The following CHST6 variants were observed in gnomAD, a reference collection of about 807,000 sequenced individuals.
The protein encoded by CHST6 is carbohydrate sulfotransferase 6, also known as N-acetylglucosamine 6-O-sulfotransferase 5.
For synonymous variants in CHST6, 309 were observed against 276.4 expected (o/e 1.12, Z -1.17); for missense variants, 698 against 586.2 (o/e 1.19, Z -1.97).
intron 1 of CHST6, among the ~76,000 whole-genome samples, chr16:75,483,393 C>T (rs1340108340): frequency 6.6e-6 from 1 of 152,186 alleles, no homozygotes; most frequent in Non-Finnish European, 1.5e-5. Context: ...GTGACTCACA[C>T]ACTACAGGAA....
chr16:75,484,939 C>G (rs1364837843), intron 1 of CHST6, among the ~76,000 whole-genome samples: 1 of 152,138 alleles, frequency 6.6e-6, no homozygotes, highest in East Asian at 1.9e-4. Flanking sequence ...GGCCACACCC[C>G]CTGGGCAGAC....
chr16:75,472,881 G>C lies in CHST6; in HGVS notation c.*5760C>G, dbSNP rs2080032647. ...CTAGTGCTTTGATTGCCCCTTCTGA[G>C]CTCCCACAGCCAGAGCAGAGGCAGC... On this transcript the variant is annotated 3_prime_UTR_variant, in exon 3 of 3. Transcript: ENST00000332272. The C allele has an allele frequency of 6.6e-6, 1 of 152,156 alleles. No individual in the cohort carries two copies. Among genetic ancestry groups the C allele is most frequent in the South Asian group, 2.1e-4 (1 of 4,818 alleles). The allele number at this position is 152,156 out of a possible 1,614,324, so 9.4% of individuals were successfully genotyped here.
chr16:75,495,431 G>T lies in CHST6; in HGVS notation c.-583C>A, dbSNP rs968221565. On this transcript the variant is annotated 5_prime_UTR_variant, in exon 1 of 3. Coordinates refer to ENST00000332272, the MANE Select transcript of CHST6 (RefSeq NM_021615.5). The stretch of plus-strand genomic sequence containing the variant: ...ATGAGGCGCTTTCAGACGTGGCTGC[G>T]GTCCCGAGGTGGCCAGCGGGAGCTA... The T allele has an allele frequency of 2.0e-5, 3 of 152,270 alleles. No homozygotes were observed. The highest frequency in any genetic ancestry group is 7.2e-5 in the African/African-American group (3 of 41,470). The allele number at this position is 152,270 out of a possible 1,614,324, so 9.4% of individuals were successfully genotyped here.
rs1049466484 is a variant in CHST6, at chr16:75,486,541, A to T, written c.-91-4650T>A. Among the ~76,000 whole-genome samples, 4 of 152,174 alleles carry T rather than the reference A, an allele frequency of 2.6e-5. No homozygotes were observed. In the East Asian group the frequency reaches 7.7e-4, roughly 29 times the overall value. On this transcript the variant is annotated intron_variant, in intron 1 of 2. Coordinates refer to ENST00000332272, the MANE Select transcript of CHST6 (RefSeq NM_021615.5). ...CTGCCCCCCCAGCCCACACAGAACT[A>T]TTGGCCTAGGAATGGGACATCTGCT...
intron 1 of CHST6, among the ~76,000 whole-genome samples, chr16:75,488,514 C>T (rs1801303058): frequency 1.3e-5 from 2 of 149,536 alleles, no homozygotes; most frequent in African/African-American, 4.9e-5. Flanking sequence ...CTGGAAAAAA[C>T]ATACCCAATG....
chr16:75,488,802 G>A (rs141285697), intron 1 of CHST6, among the ~76,000 whole-genome samples: 1,663 of 151,790 alleles, frequency 0.011, 15 homozygotes, highest in Non-Finnish European at 0.02. Context: ...CAGGAGAATC[G>A]CTTGAACCCG....
chr16:75,486,369 T>G (rs557572200), intron 1 of CHST6, among the ~76,000 whole-genome samples: 13 of 152,334 alleles, frequency 8.5e-5, no homozygotes, highest in African/African-American at 2.6e-4. Context: ...TTTTTCCTTC[T>G]GATAACAGTC....
In CHST6 at chr16:75,479,424, G is replaced by A. The variant is rs1365165239; in HGVS notation, c.405C>T (p.Cys135=). The A allele has an allele frequency of 1.2e-6, 2 of 1,612,800 alleles. No homozygotes were observed. The highest frequency in any genetic ancestry group is 1.3e-5 in the African/African-American group (1 of 74,932). ...VSRALCSPPA[C]SAFPRGAISS... The stretch of plus-strand genomic sequence containing the variant: ...TGATGGCGCCTCGGGGAAAGGCACT[G>A]CAGGCGGGTGGCGAGCACAGTGCAC... Residue 135 remains cysteine (C), a synonymous_variant, in exon 3 of 3, where the codon TGC becomes TGT. Transcript: ENST00000332272.
chr16:75,489,165 G>C (rs187459351), intron 1 of CHST6, among the ~76,000 whole-genome samples: 3 of 151,940 alleles, frequency 2.0e-5, no homozygotes, highest in Non-Finnish European at 4.4e-5. Context: ...TTGGGAGGCC[G>C]AGGCGGGCGG....
chr16:75,494,153 T>C (rs183380266), intron 1 of CHST6, among the ~76,000 whole-genome samples: 126 of 152,314 alleles, frequency 8.3e-4, no homozygotes, highest in African/African-American at 3.0e-3. Flanking sequence ...CCTTAGAAGC[T>C]TGGCTTCTGA....
intron 2 of CHST6, among the ~76,000 whole-genome samples, chr16:75,480,459 T>C (rs114567491): frequency 0.011 from 1,601 of 152,258 alleles, 28 homozygotes; most frequent in African/African-American, 0.037. Flanking sequence ...TTTAAGTGGA[T>C]TATTGGAAAA....
chr16:75,478,749 A>T lies in CHST6; in HGVS notation c.1080T>A (p.Pro360=). 1 of 1,613,544 alleles carries T rather than the reference A, an allele frequency of 6.2e-7. No homozygotes were observed. Residue 360 remains proline (P), a synonymous_variant, in exon 3 of 3, where the codon CCT becomes CCA. Transcript: ENST00000332272. Reference sequence around the variant, plus strand: ...TGCGCTGCTCGTCCTCAGAGTACACAGGCCGGTAGCCCAGCAGCTGCAGCG... The same window carrying T: ...TGCGCTGCTCGTCCTCAGAGTACACTGGCCGGTAGCCCAGCAGCTGCAGCG... The part of the protein sequence containing the change: ...AGALQLLGYR[P]VYSEDEQRNL...
At position 75,484,870 on chromosome 16, in the gene CHST6, C is replaced by T. The variant is rs77012281; in HGVS notation, c.-91-2979G>A. On this transcript the variant is annotated intron_variant, in intron 1 of 2. Coordinates refer to ENST00000332272, the MANE Select transcript of CHST6 (RefSeq NM_021615.5). ...AAAACAAAACAAACAAACAAAAAAACTCAAGGTAAAGATGAGGGCATTGCC... is the reference window on the plus strand; with the variant it reads ...AAAACAAAACAAACAAACAAAAAAATTCAAGGTAAAGATGAGGGCATTGCC... 3.5e-3 allele frequency among the ~76,000 whole-genome samples: 539 copies of T among 152,136 alleles called. 3 individuals are homozygous for T. The highest frequency in any genetic ancestry group is 0.011 in the African/African-American group (473 of 41,512).
rs1168639724 is a variant in CHST6, at chr16:75,479,217, C to T, written c.612G>A (p.Pro204=). Residue 204 remains proline, a synonymous_variant, in exon 3 of 3, where the codon CCG becomes CCA. Coordinates refer to ENST00000332272, the MANE Select transcript of CHST6 (RefSeq NM_021615.5). ...NLRIVHLVRD[P]RAVLRSREQT... ...GCTCCCGGGAGCGCAGCACGGCCCGCGGGTCGCGCACCAGGTGCACGATGC... is the reference window on the plus strand; with the variant it reads ...GCTCCCGGGAGCGCAGCACGGCCCGTGGGTCGCGCACCAGGTGCACGATGC... 2 of 1,610,040 alleles carry T rather than the reference C, an allele frequency of 1.2e-6. No homozygotes were observed. The highest frequency in any genetic ancestry group is 1.3e-5 in the African/African-American group (1 of 74,918).
At chr16:75,483,232 G>C (rs894762008) in intron 1 of CHST6, among the ~76,000 whole-genome samples, 1 of 152,188 alleles carries the variant, frequency 6.6e-6, no homozygotes, top group African/African-American at 2.4e-5. Flanking sequence ...TCTCCCACCT[G>C]TGATTGCTCC....
rs779803338 is a variant in CHST6 at position 75,478,926 on chromosome 16, G to A, written c.903C>T (p.Ala301=). The A allele has an allele frequency of 2.5e-6, 4 of 1,613,164 alleles. No homozygotes were observed. In the South Asian group the frequency reaches 3.3e-5, roughly 13 times the overall value. The part of the protein sequence containing the change: ...TGLSLTPQLE[A]WIHNITHGSG... ...ATCCGTGGGTGATGTTATGGATCCA[G>A]GCCTCGAGCTGTGGCGTGAGACTGA... The change falls in exon 3 of 3, where the codon GCC becomes GCT. Residue 301 remains alanine, a synonymous_variant. Transcript: ENST00000332272.
chr16:75,484,751 G>A (rs922198673), intron 1 of CHST6, among the ~76,000 whole-genome samples: 10 of 152,112 alleles, frequency 6.6e-5, no homozygotes, highest in Admixed American at 1.3e-4. Flanking sequence ...AGCTGAGGCA[G>A]GAGAATCATT....
At position 75,473,072 on chromosome 16, in the gene CHST6, T is replaced by C. The variant is rs1249949400; in HGVS notation, c.*5569A>G. ...TGCAGGTGCCAGGAGCCCTCCGTTC[T>C]CAAGTGTATCGGTTAGGCAATGCTA... On this transcript the variant is annotated 3_prime_UTR_variant, in exon 3 of 3. Transcript: ENST00000332272. The C allele has an allele frequency of 2.0e-5, 3 of 152,244 alleles. No homozygotes were observed. The highest frequency in any genetic ancestry group is 7.2e-5 in the African/African-American group (3 of 41,462). 9.4% of individuals were successfully genotyped at this position (152,244 alleles called of 1,614,324 possible).
In CHST6 at chr16:75,475,596, T is replaced by A. The variant is rs892947592; in HGVS notation, c.*3045A>T. ...GCACAAGTATGTACCTACCCAGCCC[T>A]GGCTTTACTGTGCCTAGTCAGCCAG... On this transcript the variant is annotated 3_prime_UTR_variant, in exon 3 of 3. Coordinates refer to ENST00000332272, the MANE Select transcript of CHST6 (RefSeq NM_021615.5). The A allele has an allele frequency of 6.6e-6, 1 of 152,234 alleles. No homozygotes were observed. Among genetic ancestry groups the A allele is most frequent in the African/African-American group, 2.4e-5 (1 of 41,448 alleles). The allele number at this position is 152,234 out of a possible 1,614,324, so 9.4% of individuals were successfully genotyped here. A position where few individuals can be genotyped will look rare whatever the true frequency, so the allele number is the denominator to read the frequency against.
Sources: gnomAD v4.1 joint callset for allele counts (sites outside exome capture counted in the v4.1 genomes callset) on GRCh38, gnomAD v4.1.1 for gene constraint, MANE v1.5 for transcripts, NCBI Gene and HGNC (gene_info 2026-07-23, HGNC 2026-07-21) for gene names.